PAK1: variants seen among roughly 807,000 people sequenced by gnomAD.
The protein encoded by PAK1 is p21 (RAC1) activated kinase 1, also known as serine/threonine-protein kinase PAK 1.
In PAK1, 29 loss-of-function variants were observed where a neutral mutation model predicts 67.4. The observed-to-expected ratio is 0.43, with a 90% CI of 0.32 to 0.59. The LOEUF is 0.59. Ranked by LOEUF, PAK1 falls within the 20% of genes least tolerant of loss-of-function variation. The pLI is 0.07. For missense variants in PAK1, 337 were observed against 670.7 expected (o/e 0.50, Z 5.50); for synonymous variants, 223 against 237.4 (o/e 0.94, Z 0.56).
At chr11:77,492,034 T>G in the PAK1 span, among the ~76,000 whole-genome samples, 1 of 151,274 alleles carries the variant, frequency 6.6e-6, no homozygotes, top group African/African-American at 2.4e-5. Flanking sequence ...CAACAAGGAG[T>G]GGGAAACTGA....
chr11:77,407,874 T>G (rs760971890), intron 1 of PAK1, among the ~76,000 whole-genome samples: 10 of 152,166 alleles, frequency 6.6e-5, no homozygotes, highest in Non-Finnish European at 1.5e-4. Flanking sequence ...GAGTGTTTGT[T>G]TGGCTATGGC....
chr11:77,353,420 G>T, intron 8 of PAK1, 116 bp downstream of exon 8: 1 of 720,350 alleles, frequency 1.4e-6, no homozygotes. Context: ...TGGGTGAGGG[G>T]TAAAGTGGAG....
At chr11:77,358,382 G>C (rs1283759432) in intron 6 of PAK1, among the ~76,000 whole-genome samples, 4 of 152,128 alleles carry the variant, frequency 2.6e-5, no homozygotes, top group Non-Finnish European at 5.9e-5. Context: ...AAGTTAAATA[G>C]AAATCACTGC....
At chr11:77,456,625 T>A (rs11237193) in intron 1 of PAK1, among the ~76,000 whole-genome samples, 2 of 152,128 alleles carry the variant, frequency 1.3e-5, no homozygotes, top group South Asian at 4.1e-4. Flanking sequence ...ATGATAATGA[T>A]AGCCGACATT....
intron 1 of PAK1, among the ~76,000 whole-genome samples, chr11:77,406,455 C>T (rs1423435546): frequency 3.3e-5 from 5 of 152,198 alleles, no homozygotes; most frequent in African/African-American, 1.2e-4. Flanking sequence ...CCAAAGTATA[C>T]TCAGCAACTA....
chr11:77,456,687 C>A (rs12284863), intron 1 of PAK1, among the ~76,000 whole-genome samples: 6,322 of 152,184 alleles, frequency 0.042, 462 homozygotes, highest in African/African-American at 0.14. Flanking sequence ...ACAACTACTA[C>A]CTCATGTAAT....
rs1041792607 is a variant in PAK1 at position 77,358,400 on chromosome 11, C to T, written c.597+498G>A. Among the ~76,000 whole-genome samples, 4 of 152,094 alleles carry T rather than the reference C, an allele frequency of 2.6e-5. No individual in the cohort carries two copies. The South Asian group carries it at 8.3e-4, about 32-fold the overall frequency. ...TTAAATAGAAATCACTGCCAACATCCGGCATCAAAATGCACTCCTGATGCC... is the reference window on the plus strand; with the variant it reads ...TTAAATAGAAATCACTGCCAACATCTGGCATCAAAATGCACTCCTGATGCC... On this transcript the variant is annotated intron_variant, in intron 6 of 14. Coordinates refer to ENST00000356341, the MANE Select transcript of PAK1 (RefSeq NM_002576.5).
At chr11:77,428,102 C>G (rs1190030512) in intron 1 of PAK1, among the ~76,000 whole-genome samples, 2 of 152,162 alleles carry the variant, frequency 1.3e-5, no homozygotes, top group African/African-American at 4.8e-5. Context: ...AATGACAGCC[C>G]AAGGAACTTG....
intron 1 of PAK1, among the ~76,000 whole-genome samples, chr11:77,421,948 A>G (rs760470585): frequency 5.9e-5 from 9 of 152,200 alleles, no homozygotes; most frequent in South Asian, 2.1e-4. Context: ...GCATAATCCC[A>G]TAAGTTTTCC....
intron 1 of PAK1, among the ~76,000 whole-genome samples, chr11:77,463,839 A>G (rs1957472815): frequency 6.9e-6 from 1 of 144,394 alleles, no homozygotes; most frequent in Admixed American, 6.7e-5. Context: ...CAACAGCCAT[A>G]ATTTTTTTTA....
the PAK1 span, among the ~76,000 whole-genome samples, chr11:77,509,008 A>C: frequency 0.31 from 43,112 of 139,838 alleles, 7,271 homozygotes; most frequent in East Asian, 0.39. Context: ...CGGTGGCTCA[A>C]GCCTGTAATC....
chr11:77,386,855 C>A (rs1950508363), intron 2 of PAK1, among the ~76,000 whole-genome samples: 1 of 152,156 alleles, frequency 6.6e-6, no homozygotes, highest in Non-Finnish European at 1.5e-5. Flanking sequence ...CTCACTGCAA[C>A]CTCTGCCTCC....
chr11:77,411,318 T>C (rs112210733), intron 1 of PAK1, among the ~76,000 whole-genome samples: 4,871 of 152,008 alleles, frequency 0.032, 131 homozygotes, highest in African/African-American at 0.074. Context: ...TGCACAGATA[T>C]GGCAACTCAA....
intron 1 of PAK1, among the ~76,000 whole-genome samples, chr11:77,408,768 C>T (rs908327194): frequency 1.3e-5 from 2 of 151,972 alleles, no homozygotes; most frequent in African/African-American, 4.8e-5. Flanking sequence ...ATATATAAGG[C>T]GCTCAAACAA....
chr11:77,349,383 C>A, intron 8 of PAK1, 96 bp from the exon 9 acceptor site: 1 of 902,494 alleles, frequency 1.1e-6, no homozygotes, highest in South Asian at 1.4e-5. Flanking sequence ...CTGTGAGTGT[C>A]AAAAACAAGA....
intron 4 of PAK1, among the ~76,000 whole-genome samples, chr11:77,375,994 A>C (rs1302514309): frequency 2.0e-5 from 3 of 152,208 alleles, no homozygotes; most frequent in African/African-American, 4.8e-5. Context: ...CAAATCCAGA[A>C]TAGCTAGCAG....
chr11:77,390,354 G>C (rs635291), intron 2 of PAK1, among the ~76,000 whole-genome samples: 106,483 of 151,912 alleles, frequency 0.7, 38,143 homozygotes, highest in African/African-American at 0.85. Context: ...GCGCCTGCCA[G>C]CATGCCCAGC....
At chr11:77,327,876 T>G (rs1326668410) in intron 14 of PAK1, among the ~76,000 whole-genome samples, 1 of 152,154 alleles carries the variant, frequency 6.6e-6, no homozygotes, top group Non-Finnish European at 1.5e-5. Context: ...CAGTGTGCTG[T>G]ATTCAGGAAA....
At chr11:77,345,883 C>G (rs535391476) in intron 9 of PAK1, among the ~76,000 whole-genome samples, 2 of 152,204 alleles carry the variant, frequency 1.3e-5, no homozygotes, top group Non-Finnish European at 2.9e-5. Context: ...ACACTGCTTA[C>G]GAACCACACA....
Sources: gnomAD v4.1 joint callset for allele counts (sites outside exome capture counted in the v4.1 genomes callset) on GRCh38, gnomAD v4.1.1 for gene constraint, MANE v1.5 for transcripts, NCBI Gene and HGNC (gene_info 2026-07-23, HGNC 2026-07-21) for gene names.